Variants in GNPDA2 observed in about 807,000 individuals in gnomAD.
The protein encoded by GNPDA2 is glcN6P deaminase 2.
A neutral mutation model predicts 27.0 loss-of-function variants in GNPDA2; 24 were observed. The ratio of observed to expected loss-of-function variants is 0.89; its 90% CI spans 0.64 to 1.25. The LOEUF (loss-of-function observed/expected upper bound fraction) is 1.25, where lower values mean the gene tolerates loss of function less well. GNPDA2 is among the 50% of genes most tolerant of loss of function. The probability of loss-of-function intolerance (pLI) is 0.00; values close to 1 mark genes in which losing one functional copy is unlikely to be tolerated. For missense variants in GNPDA2, 286 were observed against 335.1 expected (o/e 0.85, Z 1.14); for synonymous variants, 94 against 108.4 (o/e 0.87, Z 0.83).
chr4:44,710,755 A>C (rs1418346691), intron 5 of GNPDA2, among the ~76,000 whole-genome samples, 198 bp downstream of exon 5: 1 of 152,218 alleles, frequency 6.6e-6, no homozygotes, highest in East Asian at 1.9e-4. Flanking sequence ...CTTAATTCTT[A>C]GTTTACAGCT....
intron 6 of GNPDA2, 192 bp from the exon 7 acceptor site, chr4:44,703,334 C>G: frequency 7.3e-7 from 1 of 1,362,946 alleles, no homozygotes; most frequent in Non-Finnish European, 9.4e-7. Flanking sequence ...CTAGCAAATA[C>G]CAATTTATAA....
intron 4 of GNPDA2, chr4:44,714,624 T>C (rs1229082270): frequency 3.0e-6 from 3 of 984,744 alleles, no homozygotes; most frequent in East Asian, 2.3e-4. Flanking sequence ...TTTGATCCCA[T>C]TTGGCACAGT....
In GNPDA2 at chr4:44,722,237, T is replaced by C; in HGVS notation, c.-30A>G. The C allele has an allele frequency of 6.2e-7, 1 of 1,607,546 alleles. No individual in the cohort carries two copies. The highest frequency in any genetic ancestry group is 8.5e-7 in the Non-Finnish European group (1 of 1,177,290). On this transcript the variant is annotated 5_prime_UTR_variant, in exon 2 of 7. Transcript: ENST00000295448. ...GTGACGCACAGCTTCCAGAACAAGT[T>C]CAAACCTGAGAAAAGTCCATTGTAG...
intron 5 of GNPDA2, 94 bp downstream of exon 5, chr4:44,710,859 C>A: frequency 2.0e-6 from 2 of 1,013,490 alleles, no homozygotes; most frequent in Non-Finnish European, 1.4e-6. Flanking sequence ...AAATAGAATG[C>A]AATCAAAATA....
At chr4:44,723,879 T>A (rs1312672312) in intron 1 of GNPDA2, among the ~76,000 whole-genome samples, 1 of 152,140 alleles carries the variant, frequency 6.6e-6, no homozygotes, top group Admixed American at 6.5e-5. Flanking sequence ...CCTTTTGAGG[T>A]CCCTTATCGG....
chr4:44,705,282 T>C, intron 6 of GNPDA2: 2 of 982,882 alleles, frequency 2.0e-6, no homozygotes, highest in African/African-American at 3.5e-5. Context: ...TGAAATGTGT[T>C]TATTTAAGAA....
Position 44,725,730 on chromosome 4 carries a change from T to G in GNPDA2, c.-36+744A>C, listed in dbSNP as rs146676378. ...TCCAGTTTTTGCCAATCCTCAGAGA[T>G]CCAAACTATTGTCGCCTTATGCAAT... is the stretch of plus-strand genomic sequence containing the variant. On this transcript the variant is annotated intron_variant, in intron 1 of 6. Transcript: ENST00000295448. Among the ~76,000 whole-genome samples, 151 of 151,668 alleles carry G rather than the reference T, an allele frequency of 1.0e-3. 1 individual carries two copies. The highest frequency in any genetic ancestry group is 3.4e-3 in the African/African-American group (142 of 41,344).
chr4:44,703,268 A>C, intron 6 of GNPDA2, 126 bp from the exon 7 acceptor site: 1 of 1,416,350 alleles, frequency 7.1e-7, no homozygotes, highest in Non-Finnish European at 9.2e-7. Flanking sequence ...GATATAGTCA[A>C]GTTTATTGAA....
In GNPDA2 at chr4:44,702,489, T is replaced by C. The variant is rs1157037706; in HGVS notation, c.*592A>G. 2 of 984,680 alleles carry C rather than the reference T, an allele frequency of 2.0e-6. No homozygotes were observed. Among genetic ancestry groups the C allele is most frequent in the South Asian group, 4.7e-5 (1 of 21,264 alleles). The allele number at this position is 984,680 out of a possible 1,614,324, so 61.0% of individuals were successfully genotyped here. A position where few individuals can be genotyped will look rare whatever the true frequency, so the allele number is the denominator to read the frequency against. On this transcript the variant is annotated 3_prime_UTR_variant, in exon 7 of 7. Coordinates refer to ENST00000295448, the MANE Select transcript of GNPDA2 (RefSeq NM_138335.3). ...TGCACAAAAAACATGCACTTACACATACTTTCCAAAAGGATGTAAACTGTA... is the reference window on the plus strand; with the variant it reads ...TGCACAAAAAACATGCACTTACACACACTTTCCAAAAGGATGTAAACTGTA...
intron 6 of GNPDA2, chr4:44,706,588 A>C (rs1716621193): frequency 6.6e-6 from 1 of 151,938 alleles, no homozygotes; most frequent in Non-Finnish European, 1.5e-5. Flanking sequence ...TAAAAATTTA[A>C]GATTATATAC....
At chr4:44,720,342 G>A (rs1717586578) in intron 2 of GNPDA2, among the ~76,000 whole-genome samples, 1 of 152,110 alleles carries the variant, frequency 6.6e-6, no homozygotes, top group South Asian at 2.1e-4. Context: ...ATCTAGATAG[G>A]TCTGGTGCCA....
At chr4:44,720,639 G>C in intron 2 of GNPDA2, among the ~76,000 whole-genome samples, 1 of 152,026 alleles carries the variant, frequency 6.6e-6, no homozygotes. Context: ...AATGCAGCCT[G>C]GTACAAGCAA....
At chr4:44,721,810 A>G (rs1184351422) in intron 2 of GNPDA2, among the ~76,000 whole-genome samples, 3 of 152,106 alleles carry the variant, frequency 2.0e-5, no homozygotes. Context: ...CTACTAGAAA[A>G]ATGTACAAAA....
chr4:44,707,983 A>G, intron 5 of GNPDA2, 57 bp from the exon 6 acceptor site: 2 of 1,264,346 alleles, frequency 1.6e-6, no homozygotes, highest in Non-Finnish European at 2.2e-6. Context: ...AAGAAGCTCT[A>G]TTTTTTTTAA....
intron 1 of GNPDA2, among the ~76,000 whole-genome samples, chr4:44,726,259 TCCC>T (rs1487428143): frequency 6.6e-6 from 1 of 152,074 alleles, no homozygotes; most frequent in East Asian, 1.9e-4. Flanking sequence ...GGACGCCTTC[TCCC>T]GTAGGCACAA....
chr4:44,709,003 A>G (rs1209813962), intron 5 of GNPDA2, among the ~76,000 whole-genome samples: 1 of 152,146 alleles, frequency 6.6e-6, no homozygotes, highest in African/African-American at 2.4e-5. Context: ...TCTACAGTGC[A>G]TATTCTTAGC....
rs547983669 is a variant in GNPDA2, at chr4:44,723,372, T to C, written c.-35-1130A>G. 2.0e-5 allele frequency among the ~76,000 whole-genome samples: 3 copies of C among 152,328 alleles called. No individual in the cohort carries two copies. The East Asian group carries it at 5.8e-4, about 29-fold the overall frequency. On this transcript the variant is annotated intron_variant, in intron 1 of 6. Coordinates refer to ENST00000295448, the MANE Select transcript of GNPDA2 (RefSeq NM_138335.3). ...TCACCTGAATAATGTACAATGATCC[T>C]AGCAATTTCTCATCATCTACCCACT... is the stretch of plus-strand genomic sequence containing the variant.
At chr4:44,719,506 T>C (rs1717535800) in intron 2 of GNPDA2, among the ~76,000 whole-genome samples, 1 of 152,218 alleles carries the variant, frequency 6.6e-6, no homozygotes, top group East Asian at 1.9e-4. Context: ...AGCACATATG[T>C]TGTTTTCAAT....
In GNPDA2 at chr4:44,717,142, T is replaced by C; in HGVS notation, c.380A>G (p.Glu127Gly). ...AACAAAAAGATCTATTCCTCCAGCT[T>C]CTTTTATTTTGTTTTCAAAAGCATC... ...ECDAFENKIK[E>G]AGGIDLFVGG... Residue 127 changes from glutamate to glycine, a missense_variant, in exon 4 of 7, where the codon GAA becomes GGA. By Grantham distance (98) the Glu-to-Gly change is moderately conservative (BLOSUM62 -2). Transcript: ENST00000295448. 6.2e-7 allele frequency: 1 copy of C among 1,608,412 alleles called. No homozygotes were observed. Among genetic ancestry groups the C allele is most frequent in the East Asian group, 2.2e-5 (1 of 44,728 alleles).
Sources: allele counts gnomAD v4.1 joint callset (sites outside exome capture counted in the v4.1 genomes callset), GRCh38; gene constraint gnomAD v4.1.1; transcripts MANE v1.5; gene names NCBI Gene and HGNC (gene_info 2026-07-23, HGNC 2026-07-21).